The following CDH18 variants were observed in gnomAD, a reference collection of about 807,000 sequenced individuals.
CDH18 encodes cadherin 18.
Under a neutral mutation model 67.9 loss-of-function variants are expected in CDH18, and 31 were observed. That is an observed-to-expected ratio of 0.46 (90% CI 0.34 to 0.62). The LOEUF (loss-of-function observed/expected upper bound fraction) is 0.62, where lower values mean the gene tolerates loss of function less well. CDH18 is among the 20% of genes least tolerant of loss of function. The pLI is 0.01. For synonymous variants in CDH18, 362 were observed against 347.2 expected (o/e 1.04, Z -0.48); for missense variants, 890 against 975.5 (o/e 0.91, Z 1.17).
chr5:20,012,328 C>A (rs1202587624), intron 2 of CDH18, among the ~76,000 whole-genome samples: 1 of 116,274 alleles, frequency 8.6e-6, no homozygotes, highest in Non-Finnish European at 1.7e-5. Flanking sequence ...TCTCTTTTTT[C>A]TTTATCAGTT....
intron 1 of CDH18, among the ~76,000 whole-genome samples, chr5:20,280,740 G>A (rs1746191584): frequency 6.6e-6 from 1 of 152,144 alleles, no homozygotes; most frequent in Non-Finnish European, 1.5e-5. Context: ...GGATGGCTGG[G>A]TCAAATGGTA....
intron 4 of CDH18, among the ~76,000 whole-genome samples, chr5:19,727,779 GATAAA>G (rs1767039491): frequency 1.3e-5 from 2 of 152,124 alleles, no homozygotes; most frequent in Non-Finnish European, 2.9e-5. Flanking sequence ...TCATAAGAGA[GATAAA>G]ATAAAAAGTT....
intron 1 of CDH18, among the ~76,000 whole-genome samples, chr5:20,296,189 T>C (rs887023911): frequency 5.3e-5 from 8 of 150,062 alleles, no homozygotes; most frequent in African/African-American, 2.0e-4. Context: ...ATTTTCATAA[T>C]GGATTATTAT....
At chr5:19,997,849 A>G (rs1020311048) in intron 2 of CDH18, among the ~76,000 whole-genome samples, 2 of 152,158 alleles carry the variant, frequency 1.3e-5, no homozygotes, top group African/African-American at 4.8e-5. Context: ...TTCTTAATTC[A>G]TCTTGAGTAG....
intron 2 of CDH18, among the ~76,000 whole-genome samples, chr5:20,143,654 C>T (rs13174357): frequency 0.44 from 66,691 of 151,940 alleles, 16,047 homozygotes; most frequent in Middle Eastern, 0.68. Flanking sequence ...CAGGTGTGAA[C>T]CACTGCATCT....
chr5:19,812,799 A>C (rs1348632462), intron 3 of CDH18, among the ~76,000 whole-genome samples: 2 of 152,140 alleles, frequency 1.3e-5, no homozygotes, highest in Admixed American at 6.5e-5. Context: ...TAGCATTCCC[A>C]AAGGATTATA....
intron 5 of CDH18, among the ~76,000 whole-genome samples, chr5:19,678,766 C>T (rs977401840): frequency 6.6e-6 from 1 of 151,902 alleles, no homozygotes; most frequent in Non-Finnish European, 1.5e-5. Context: ...AATTAAATCC[C>T]TGACCAGATG....
rs59119057 is a variant in CDH18, at chr5:19,891,791, T to C, written c.-256-52549A>G. On this transcript the variant is annotated intron_variant, in intron 2 of 12. Coordinates refer to ENST00000382275, the MANE Select transcript of CDH18 (RefSeq NM_004934.5). ...CTGGGCAGATCCCATCTCCCTATTA[T>C]ATATGTTTGCTTTCTAACTGACTCA... Among the ~76,000 whole-genome samples, 352 of 152,310 alleles carry C rather than the reference T, an allele frequency of 2.3e-3. 1 individual carries two copies. The highest frequency in any genetic ancestry group is 8.0e-3 in the African/African-American group (331 of 41,578).
At chr5:20,543,522 T>A (rs1282489634) in intron 1 of CDH18, among the ~76,000 whole-genome samples, 2 of 152,140 alleles carry the variant, frequency 1.3e-5, no homozygotes, top group Admixed American at 6.5e-5. Context: ...TTTTTATGCC[T>A]TTAGCATGGT....
intron 1 of CDH18, among the ~76,000 whole-genome samples, chr5:20,297,947 T>G (rs970133625): frequency 6.6e-6 from 1 of 152,196 alleles, no homozygotes; most frequent in Non-Finnish European, 1.5e-5. Flanking sequence ...TGACAATACC[T>G]GTAATACTTT....
upstream of CDH18, among the ~76,000 whole-genome samples, chr5:19,992,792 G>A (rs138959821): frequency 1.1e-4 from 17 of 151,958 alleles, no homozygotes; most frequent in Middle Eastern, 3.4e-3. Context: ...CATCATCATC[G>A]TAGCCCTCAT....
chr5:19,687,665 G>A (rs533777742), intron 5 of CDH18, among the ~76,000 whole-genome samples: 10 of 152,124 alleles, frequency 6.6e-5, no homozygotes, highest in African/African-American at 1.7e-4. Flanking sequence ...GAGACTAGAC[G>A]TCCCTGTTGG....
intron 2 of CDH18, among the ~76,000 whole-genome samples, chr5:20,108,604 G>A (rs578039230): frequency 6.6e-5 from 10 of 151,692 alleles, no homozygotes; most frequent in Admixed American, 1.3e-4. Context: ...GTGTCACCTC[G>A]TGTCTTTCAT....
rs1741795737 is a variant in CDH18 at position 19,573,441 on chromosome 5, G to T, written c.1000-1609C>A. Among the ~76,000 whole-genome samples the T allele has an allele frequency of 2.0e-5, 3 of 152,206 alleles. No homozygotes were observed. In the South Asian group the frequency reaches 6.2e-4, roughly 32 times the overall value. On this transcript the variant is annotated intron_variant, in intron 7 of 12. Coordinates refer to ENST00000382275, the MANE Select transcript of CDH18 (RefSeq NM_004934.5). Reference sequence around the variant, plus strand: ...CTACAGGCGCCTGCCGCCACGCCCGGCTAATTTTTTGTATTTTTAGTAGAG... The same window carrying T: ...CTACAGGCGCCTGCCGCCACGCCCGTCTAATTTTTTGTATTTTTAGTAGAG...
rs754867594 is a variant in CDH18 at position 20,308,927 on chromosome 5, G to A, written c.-579-53422C>T. On this transcript the variant is annotated intron_variant, in intron 1 of 14. Coordinates refer to the CDH18 transcript ENST00000507958. ...AGTGATTACAGATACCCCTTTAATC[G>A]TATAAGGTTTTGATTTTCGTACATT... Among the ~76,000 whole-genome samples the A allele has an allele frequency of 7.9e-5, 12 of 152,228 alleles. No homozygotes were observed. The East Asian group carries it at 1.9e-3, about 24-fold the overall frequency.
chr5:19,634,604 T>C (rs567301829), intron 5 of CDH18, among the ~76,000 whole-genome samples: 2 of 152,288 alleles, frequency 1.3e-5, no homozygotes, highest in South Asian at 4.1e-4. Flanking sequence ...GATGACTAAA[T>C]AATATAATCA....
intron 2 of CDH18, among the ~76,000 whole-genome samples, chr5:20,180,581 G>A (rs559382926): frequency 1.7e-4 from 26 of 152,122 alleles, no homozygotes; most frequent in Non-Finnish European, 3.1e-4. Flanking sequence ...ACACACAAAT[G>A]TTATGTTAAA....
In CDH18 at chr5:19,865,394, A is replaced by T. The variant is rs1581702393; in HGVS notation, c.-256-26152T>A. ...AAATATAGTTTTGTTACTTAAAAAA[A>T]ACCTCAATCTCTATTTCAATATTGA... On this transcript the variant is annotated intron_variant, in intron 2 of 12. Transcript: ENST00000382275. 2.0e-5 allele frequency among the ~76,000 whole-genome samples: 3 copies of T among 152,326 alleles called. No homozygotes were observed. The South Asian group carries it at 6.2e-4, about 32-fold the overall frequency.
At chr5:20,304,637 T>C in intron 1 of CDH18, 3 of 1,611,936 alleles carry the variant, frequency 1.9e-6, no homozygotes, top group Non-Finnish European at 1.7e-6. Flanking sequence ...TTGCCGAAAT[T>C]AAATGAGGCA....
Sources: gnomAD v4.1 joint callset for allele counts (sites outside exome capture counted in the v4.1 genomes callset) on GRCh38, gnomAD v4.1.1 for gene constraint, MANE v1.5 for transcripts, NCBI Gene and HGNC (gene_info 2026-07-23, HGNC 2026-07-21) for gene names.